The following TPST1 variants were observed in gnomAD, a reference collection of about 807,000 sequenced individuals.
TPST1 encodes tyrosylprotein sulfotransferase 1, also known as protein-tyrosine sulfotransferase 1.
In TPST1, 20 loss-of-function variants were observed where a neutral mutation model predicts 34.8. The ratio of observed to expected loss-of-function variants is 0.57; its 90% confidence interval spans 0.40 to 0.84. The LOEUF (loss-of-function observed/expected upper bound fraction) is 0.84. TPST1 is among the 40% of genes least tolerant of loss of function. The pLI, the probability that TPST1 is intolerant of heterozygous loss-of-function variation, is 0.00. For synonymous variants in TPST1, 152 were observed against 159.4 expected (o/e 0.95, Z 0.35); for missense variants, 353 against 455.5 (o/e 0.78, Z 2.05).
intron 1 of TPST1, among the ~76,000 whole-genome samples, chr7:66,231,142 G>A (rs1046143086): frequency 5.9e-4 from 90 of 152,118 alleles, no homozygotes; most frequent in African/African-American, 2.1e-3. Flanking sequence ...GTCGATTGGT[G>A]CACTCACAAA....
rs190470557 is a variant in TPST1 at position 66,357,073 on chromosome 7, T to G, written c.*29+202T>G. The stretch of plus-strand genomic sequence containing the variant: ...ATTCATCTATGAAATGAGGATAATA[T>G]TAACAAGAGCATGGTGGTGAGAATT... On this transcript the variant is annotated intron_variant, in intron 5 of 5. Coordinates refer to ENST00000304842, the MANE Select transcript of TPST1 (RefSeq NM_003596.4). Among the ~76,000 whole-genome samples, 14 of 152,312 alleles carry G rather than the reference T, an allele frequency of 9.2e-5. No homozygotes were observed. The East Asian group carries it at 2.5e-3, about 27-fold the overall frequency.
chr7:66,199,782 C>T, the TPST1 span, among the ~76,000 whole-genome samples: 10 of 151,196 alleles, frequency 6.6e-5, no homozygotes, highest in African/African-American at 9.7e-5. Context: ...GGCACTATCT[C>T]GGTTCACTGC....
intron 2 of TPST1, among the ~76,000 whole-genome samples, chr7:66,253,531 C>G (rs1235716194): frequency 6.6e-6 from 1 of 151,764 alleles, no homozygotes; most frequent in Non-Finnish European, 1.5e-5. Flanking sequence ...GCCACCATGC[C>G]TGGCTAATTT....
upstream of TPST1, among the ~76,000 whole-genome samples, chr7:66,201,811 C>A (rs1789038243): frequency 6.6e-6 from 1 of 150,826 alleles, no homozygotes; most frequent in Admixed American, 6.6e-5. Context: ...TATGACTATG[C>A]CACTGTACTC....
At chr7:66,254,359 T>C (rs1401338901) in intron 2 of TPST1, among the ~76,000 whole-genome samples, 3 of 152,166 alleles carry the variant, frequency 2.0e-5, no homozygotes, top group African/African-American at 7.2e-5. Context: ...AGTACCTTCT[T>C]TTCATTGGTA....
intron 2 of TPST1, among the ~76,000 whole-genome samples, chr7:66,242,338 A>G (rs1790052919): frequency 6.6e-6 from 1 of 152,176 alleles, no homozygotes; most frequent in Non-Finnish European, 1.5e-5. Context: ...AAAGTAATAT[A>G]TAACACCTGT....
chr7:66,311,913 G>C (rs1404100042), intron 3 of TPST1, among the ~76,000 whole-genome samples: 1 of 152,206 alleles, frequency 6.6e-6, no homozygotes, highest in African/African-American at 2.4e-5. Flanking sequence ...TTCTCTCCCA[G>C]CTTTGGCACT....
At chr7:66,240,301 A>G (rs2116402831) in intron 1 of TPST1, 24 bp from the exon 2 acceptor site, 1 of 1,208,690 alleles carries the variant, frequency 8.3e-7, no homozygotes. Context: ...GTAATGATAA[A>G]TAACCTTTTC....
chr7:66,264,093 A>G (rs1039338775), intron 2 of TPST1, among the ~76,000 whole-genome samples: 3 of 152,220 alleles, frequency 2.0e-5, no homozygotes, highest in African/African-American at 7.2e-5. Context: ...GGATCCCTGG[A>G]TGAATGACTT....
chr7:66,259,223 CAT>C (rs1173184653), intron 2 of TPST1, among the ~76,000 whole-genome samples: 2 of 152,076 alleles, frequency 1.3e-5, no homozygotes, highest in African/African-American at 2.4e-5. Flanking sequence ...CTTTAGACAA[CAT>C]AGGGCTATTT....
At chr7:66,261,083 C>A (rs1185378580) in intron 2 of TPST1, among the ~76,000 whole-genome samples, 2 of 152,158 alleles carry the variant, frequency 1.3e-5, no homozygotes, top group East Asian at 3.8e-4. Flanking sequence ...GCCTGGGACC[C>A]CCTTCTTATA....
At chr7:66,203,210 C>T (rs1789050274), upstream of TPST1, among the ~76,000 whole-genome samples, 1 of 150,212 alleles carries the variant, frequency 6.7e-6, no homozygotes, top group African/African-American at 2.5e-5. Flanking sequence ...CACACAAACA[C>T]ACACACACAC....
intron 2 of TPST1, among the ~76,000 whole-genome samples, chr7:66,252,822 G>GT (rs1277708333): frequency 5.9e-5 from 9 of 151,934 alleles, no homozygotes; most frequent in Non-Finnish European, 1.2e-4. Flanking sequence ...AGTTTCCCAT[G>GT]TTTTTTCCAA....
At chr7:66,314,597 G>T (rs983858206) in intron 3 of TPST1, among the ~76,000 whole-genome samples, 1 of 152,178 alleles carries the variant, frequency 6.6e-6, no homozygotes, top group African/African-American at 2.4e-5. Context: ...GTTGCTTAAC[G>T]ATGGGAATAC....
intron 3 of TPST1, among the ~76,000 whole-genome samples, chr7:66,328,859 GCTCTCT>G (rs755431410): frequency 0.1 from 1,845 of 18,394 alleles, 182 homozygotes; most frequent in Non-Finnish European, 0.14. Flanking sequence ...TCTCTCTCCC[GCTCTCT>G]CTCTCTCTCT....
At chr7:66,345,489 C>CAAAAAAAAAAAAAAAAAAAAAAA (rs58837242) in intron 3 of TPST1, among the ~76,000 whole-genome samples, 1 of 64,862 alleles carries the variant, frequency 1.5e-5, no homozygotes. Flanking sequence ...ACTCCATCTC[C>CAAAAAAAAAAAAAAAAAAAAAAA]AAAAAAAAAA....
chr7:66,286,448 T>C lies in TPST1; in HGVS notation c.846-63T>C. On this transcript the variant is annotated intron_variant, in intron 2 of 5. Coordinates refer to ENST00000304842, the MANE Select transcript of TPST1 (RefSeq NM_003596.4). ...GTCATTAAAACATAATTTATAGTGG[T>C]TTTAAAGCATGATTTTCTAAAAAAT... is the stretch of plus-strand genomic sequence containing the variant. The C allele has an allele frequency of 2.4e-6, 3 of 1,275,998 alleles. No homozygotes were observed. In the East Asian group the frequency reaches 8.8e-5, roughly 37 times the overall value. 79.0% of individuals were successfully genotyped at this position (1,275,998 alleles called of 1,614,324 possible). A position where few individuals can be genotyped will look rare whatever the true frequency, so the allele number is the denominator to read the frequency against.
intron 1 of TPST1, among the ~76,000 whole-genome samples, chr7:66,233,739 T>C (rs1289617689): frequency 6.6e-6 from 1 of 152,198 alleles, no homozygotes; most frequent in Non-Finnish European, 1.5e-5. Flanking sequence ...CCTGACTACG[T>C]CTATCATAAA....
intron 3 of TPST1, among the ~76,000 whole-genome samples, chr7:66,321,555 T>C (rs1791758074): frequency 6.6e-6 from 1 of 152,222 alleles, no homozygotes; most frequent in African/African-American, 2.4e-5. Flanking sequence ...AGGCCTGTCT[T>C]GGGAATGTGC....
Sources: gnomAD v4.1 joint callset for allele counts (sites outside exome capture counted in the v4.1 genomes callset) on GRCh38, gnomAD v4.1.1 for gene constraint, MANE v1.5 for transcripts, NCBI Gene and HGNC (gene_info 2026-07-23, HGNC 2026-07-21) for gene names.